The following STPG2 variants were observed in gnomAD, a reference collection of about 807,000 sequenced individuals.
STPG2 encodes sperm-tail PG-rich repeat-containing protein 2.
A neutral mutation model predicts 54.2 loss-of-function variants in STPG2; 56 were observed. The ratio of observed to expected loss-of-function variants is 1.03; its 90% CI spans 0.83 to 1.29. The LOEUF (loss-of-function observed/expected upper bound fraction) is 1.29, where lower values mean the gene tolerates loss of function less well. STPG2 is among the 50% of genes most tolerant of loss of function. The pLI is 0.00. For synonymous variants in STPG2, 200 were observed against 181.8 expected, an observed-to-expected ratio of 1.10 and a Z score of -0.81; for missense variants, 596 against 544.9, an observed-to-expected ratio of 1.09 and a Z score of -0.93.
At chr4:97,716,233 C>A (rs1036260111) in intron 9 of STPG2, among the ~76,000 whole-genome samples, 3 of 152,000 alleles carry the variant, frequency 2.0e-5, no homozygotes, top group Admixed American at 2.0e-4. Flanking sequence ...AACAGGAATG[C>A]TTTTACATTG....
chr4:97,682,601 A>T (rs1723068439), intron 10 of STPG2, among the ~76,000 whole-genome samples: 2 of 151,912 alleles, frequency 1.3e-5, no homozygotes, highest in Admixed American at 1.3e-4. Context: ...AACAGCTAAC[A>T]TTTACTGTAA....
chr4:97,447,293 T>C (rs1729247714), intron 4 of STPG2, among the ~76,000 whole-genome samples: 1 of 152,206 alleles, frequency 6.6e-6, no homozygotes, highest in Admixed American at 6.5e-5. Flanking sequence ...TTTGCAGCCT[T>C]ACCATGTAGT....
rs557382731 is a variant in STPG2, at chr4:97,947,885, C to A, written c.934-3878G>T. ...GTTTTCTTTTTTTGTTATGTTCTTT[C>A]CTGGTTCTGGTATCAGGGTAACACT... On this transcript the variant is annotated intron_variant, in intron 7 of 10. Coordinates refer to ENST00000295268, the MANE Select transcript of STPG2 (RefSeq NM_174952.3). 2.2e-4 allele frequency among the ~76,000 whole-genome samples: 33 copies of A among 151,908 alleles called. No individual in the cohort carries two copies. In the South Asian group the frequency reaches 3.1e-3, roughly 14 times the overall value.
At chr4:97,836,557 C>T (rs1057323272) in intron 9 of STPG2, among the ~76,000 whole-genome samples, 1 of 151,746 alleles carries the variant, frequency 6.6e-6, no homozygotes, top group Non-Finnish European at 1.5e-5. Context: ...GTAACCAAAC[C>T]AAGCCATATT....
intron 9 of STPG2, among the ~76,000 whole-genome samples, chr4:97,837,192 T>C (rs1260961526): frequency 6.6e-6 from 1 of 151,700 alleles, no homozygotes; most frequent in Admixed American, 6.6e-5. Context: ...AAGTCCTTGA[T>C]GTTTAAGTTT....
intron 10 of STPG2, among the ~76,000 whole-genome samples, chr4:97,678,159 A>C (rs966973340): frequency 6.6e-6 from 1 of 152,126 alleles, no homozygotes; most frequent in African/African-American, 2.4e-5. Context: ...GTTCATTTTA[A>C]TCATATGTAT....
At chr4:97,724,337 C>G (rs1249528342) in intron 9 of STPG2, among the ~76,000 whole-genome samples, 1 of 152,120 alleles carries the variant, frequency 6.6e-6, no homozygotes, top group African/African-American at 2.4e-5. Context: ...AAACTGATAT[C>G]TTGACTATAT....
chr4:97,649,325 G>GA (rs1234428862), intron 10 of STPG2, among the ~76,000 whole-genome samples: 2 of 152,048 alleles, frequency 1.3e-5, no homozygotes, highest in African/African-American at 4.8e-5. Flanking sequence ...CATTTAATGG[G>GA]AAAAACAGGT....
At chr4:97,587,129 G>C (rs1224549720) in intron 10 of STPG2, among the ~76,000 whole-genome samples, 1 of 151,866 alleles carries the variant, frequency 6.6e-6, no homozygotes, top group Non-Finnish European at 1.5e-5. Context: ...GTATTTTTCA[G>C]AATGATTAAC....
intron 8 of STPG2, among the ~76,000 whole-genome samples, chr4:97,884,172 A>T (rs1730477471): frequency 6.6e-6 from 1 of 152,170 alleles, no homozygotes; most frequent in Non-Finnish European, 1.5e-5. Flanking sequence ...ATTCACGGGT[A>T]ATTGCAAGGA....
At chr4:97,467,390 T>G (rs1315442577) in intron 4 of STPG2, among the ~76,000 whole-genome samples, 1 of 151,656 alleles carries the variant, frequency 6.6e-6, no homozygotes, top group Non-Finnish European at 1.5e-5. Context: ...TTTATTCATA[T>G]AGAAAAAAAA....
At chr4:97,948,213 G>A (rs1428476747) in intron 7 of STPG2, among the ~76,000 whole-genome samples, 2 of 151,896 alleles carry the variant, frequency 1.3e-5, no homozygotes, top group Admixed American at 6.6e-5. Context: ...TCTAGTTTGT[G>A]TTCATGGCTA....
At chr4:97,788,464 C>G (rs1228997011) in intron 9 of STPG2, among the ~76,000 whole-genome samples, 1 of 152,044 alleles carries the variant, frequency 6.6e-6, no homozygotes, top group Non-Finnish European at 1.5e-5. Context: ...TTTTCTTTAT[C>G]CATTCATCTG....
At chr4:97,577,878 T>G (rs1479052351) in intron 10 of STPG2, among the ~76,000 whole-genome samples, 7 of 152,140 alleles carry the variant, frequency 4.6e-5, no homozygotes, top group South Asian at 2.1e-4. Context: ...CAGTAATGTA[T>G]ACAATACAGT....
intron 10 of STPG2, among the ~76,000 whole-genome samples, chr4:97,666,017 G>A (rs925088637): frequency 1.3e-5 from 2 of 152,130 alleles, no homozygotes; most frequent in African/African-American, 4.8e-5. Context: ...GCTCCCAAGA[G>A]TGCAGAGATG....
chr4:97,834,457 T>C (rs941796285), intron 9 of STPG2, among the ~76,000 whole-genome samples: 2 of 152,112 alleles, frequency 1.3e-5, no homozygotes, highest in Non-Finnish European at 2.9e-5. Flanking sequence ...AGTATACCTA[T>C]GTAACAAACC....
intron 5 of STPG2, among the ~76,000 whole-genome samples, chr4:98,094,729 G>T (rs535390567): frequency 1.3e-5 from 2 of 152,240 alleles, no homozygotes; most frequent in South Asian, 4.1e-4. Context: ...AAACCCCCAT[G>T]GATCAGTGGT....
At chr4:97,513,126 G>A (rs577714640) in intron 4 of STPG2, among the ~76,000 whole-genome samples, 3 of 152,124 alleles carry the variant, frequency 2.0e-5, no homozygotes, top group Non-Finnish European at 4.4e-5. Flanking sequence ...ACAGAACTAA[G>A]GGAAACAATT....
intron 5 of STPG2, among the ~76,000 whole-genome samples, chr4:98,037,007 G>C (rs1736799572): frequency 6.6e-6 from 1 of 152,050 alleles, no homozygotes; most frequent in Non-Finnish European, 1.5e-5. Flanking sequence ...TAGTAAACCT[G>C]AATAAATCAA....
Sources: allele counts gnomAD v4.1 joint callset (sites outside exome capture counted in the v4.1 genomes callset), GRCh38; gene constraint gnomAD v4.1.1; transcripts MANE v1.5; gene names NCBI Gene and HGNC (gene_info 2026-07-23, HGNC 2026-07-21).